Variants in SNX27 observed in about 807,000 individuals in gnomAD.
SNX27 encodes the protein sorting nexin-27.
SNX27 carries 22 observed loss-of-function variants against 71.6 expected under a neutral mutation model. That is an observed-to-expected ratio of 0.31 (90% CI 0.22 to 0.44). The LOEUF is 0.44. Ranked by LOEUF, SNX27 falls within the 20% of genes least tolerant of loss-of-function variation. The probability of loss-of-function intolerance (pLI) is 1.00; values close to 1 mark genes in which losing one functional copy is unlikely to be tolerated. For synonymous variants in SNX27, 269 were observed against 277.2 expected (o/e 0.97, Z 0.29); for missense variants, 531 against 698.6 (o/e 0.76, Z 2.70).
At chr1:151,657,950 G>A (rs1558057850) in intron 2 of SNX27, among the ~76,000 whole-genome samples, 1 of 152,084 alleles carries the variant, frequency 6.6e-6, no homozygotes, top group Non-Finnish European at 1.5e-5. Flanking sequence ...ACAATGAGCC[G>A]AGATCATGCC....
intron 2 of SNX27, 64 bp downstream of exon 2, chr1:151,639,183 G>A: frequency 7.0e-7 from 1 of 1,421,748 alleles, no homozygotes; most frequent in South Asian, 1.3e-5. Context: ...TTATAATTAT[G>A]AAACTATTAT....
At chr1:151,652,534 G>A (rs914884053) in intron 2 of SNX27, among the ~76,000 whole-genome samples, 12 of 149,012 alleles carry the variant, frequency 8.1e-5, no homozygotes, top group South Asian at 6.6e-4. Context: ...TTAGCCTCCC[G>A]AGTAGCTGGG....
chr1:151,628,165 C>A (rs1668036374), intron 1 of SNX27, among the ~76,000 whole-genome samples: 1 of 151,994 alleles, frequency 6.6e-6, no homozygotes, highest in African/African-American at 2.4e-5. Context: ...CGCCACCATG[C>A]CCAGCTAATT....
At chr1:151,638,526 T>A (rs532576854) in intron 1 of SNX27, among the ~76,000 whole-genome samples, 16 of 152,362 alleles carry the variant, frequency 1.1e-4, no homozygotes, top group Admixed American at 1.0e-3. Context: ...CAAAAGCCAC[T>A]TTGATTGAAT....
chr1:151,613,564 T>G (rs1025486541), intron 1 of SNX27, among the ~76,000 whole-genome samples: 2 of 151,886 alleles, frequency 1.3e-5, no homozygotes, highest in African/African-American at 4.8e-5. Flanking sequence ...TGCTTTTCCT[T>G]TCTTCTGTTT....
At chr1:151,633,703 A>G (rs1324745465) in intron 1 of SNX27, among the ~76,000 whole-genome samples, 2 of 152,246 alleles carry the variant, frequency 1.3e-5, no homozygotes, top group African/African-American at 2.4e-5. Flanking sequence ...CTTCAAATAA[A>G]TGGAGTCAAA....
intron 1 of SNX27, among the ~76,000 whole-genome samples, chr1:151,624,055 T>A (rs1366387983): frequency 6.6e-6 from 1 of 151,986 alleles, no homozygotes; most frequent in African/African-American, 2.4e-5. Flanking sequence ...ATTGATCTCC[T>A]GGGCTCAAGT....
Position 151,695,240 on chromosome 1 carries a change from T to C in SNX27, c.*823T>C, listed in dbSNP as rs1671648253. On this transcript the variant is annotated 3_prime_UTR_variant, in exon 12 of 12. Transcript: ENST00000458013. ...GCTCTTGATTCTGTGACAATTTTTT[T>C]GATCCATCTATTTCTCTCACTCCTG... 6.6e-6 allele frequency: 1 copy of C among 152,268 alleles called. No homozygotes were observed. Among genetic ancestry groups the C allele is most frequent in the African/African-American group, 2.4e-5 (1 of 41,386 alleles). The allele number at this position is 152,268 out of a possible 1,614,324, so 9.4% of individuals were successfully genotyped here.
chr1:151,643,004 C>A (rs182543810), intron 2 of SNX27, among the ~76,000 whole-genome samples: 2 of 151,740 alleles, frequency 1.3e-5, no homozygotes, highest in Admixed American at 1.3e-4. Flanking sequence ...ACTCTTGTTG[C>A]CCAGGTTGGA....
chr1:151,663,025 T>C (rs1352238390), intron 5 of SNX27, among the ~76,000 whole-genome samples: 2 of 152,170 alleles, frequency 1.3e-5, no homozygotes, highest in Non-Finnish European at 2.9e-5. Flanking sequence ...CCTTAAAAAT[T>C]AGCACTATTG....
At position 151,668,490 on chromosome 1, in the gene SNX27, A is replaced by G; in HGVS notation, c.1004A>G (p.Asn335Ser). The change falls in exon 7 of 12, where the codon AAT becomes AGT. Residue 335 changes from asparagine to serine, a missense_variant. Asn to Ser is a conservative substitution (Grantham distance 46). This residue lies in a region of SNX27 where 184 missense variants were observed against 289.6 expected (regional missense o/e 0.64). Transcript: ENST00000458013. ...SHSFVRKLAP[N>S]EFPHKLYIQN... ...CCTTTAGTACGTAAATTGGCACCTA[A>G]TGAGTTTCCTCACAAACTCTACATT... is the stretch of plus-strand genomic sequence containing the variant. 1 of 1,612,396 alleles carries G rather than the reference A, an allele frequency of 6.2e-7. No homozygotes were observed. The highest frequency in any genetic ancestry group is 2.2e-5 in the East Asian group (1 of 44,840).
At chr1:151,694,156 T>A in intron 11 of SNX27, 1 of 1,317,414 alleles carries the variant, frequency 7.6e-7, no homozygotes. Flanking sequence ...CAGTTTTCTC[T>A]TCTGTGAAAC....
At position 151,683,391 on chromosome 1, in the gene SNX27, A is replaced by G; in HGVS notation, c.1185A>G (p.Ala395=). 6.2e-7 allele frequency: 1 copy of G among 1,613,872 alleles called. No homozygotes were observed. The highest frequency in any genetic ancestry group is 8.5e-7 in the Non-Finnish European group (1 of 1,179,946). ...ATGTGAAGAAAGGTTACATCAAAGC[A>G]GAAGAAAAGTCCTATCAATTACAGA... ...VDDVKKGYIK[A]EEKSYQLQKL... Residue 395 remains alanine (A), a synonymous_variant, in exon 8 of 12, where the codon GCA becomes GCG. Coordinates refer to ENST00000458013, the MANE Select transcript of SNX27 (RefSeq NM_001330723.2).
chr1:151,642,949 T>TTTTTG (rs1399303638), intron 2 of SNX27, among the ~76,000 whole-genome samples: 2 of 149,030 alleles, frequency 1.3e-5, no homozygotes, highest in African/African-American at 5.0e-5. Flanking sequence ...CTATTTTTTA[T>TTTTTG]TTTTGTTTTA....
chr1:151,693,323 TGA>T (rs1206182866), intron 10 of SNX27, 99 bp from the exon 11 acceptor site: 4 of 1,230,388 alleles, frequency 3.3e-6, no homozygotes, highest in Non-Finnish European at 4.8e-6. Context: ...TTCTCTAGAC[TGA>T]GTTTGGAAGA....
Position 151,615,775 on chromosome 1 carries a change from A to G in SNX27, c.311+3263A>G, listed in dbSNP as rs909981437. On this transcript the variant is annotated intron_variant, in intron 1 of 11. Coordinates refer to ENST00000458013, the MANE Select transcript of SNX27 (RefSeq NM_001330723.2). ...AAATTGTTTTTGTAACAATTTTCGT[A>G]TTTTTCAGTTGTTTGGACAACTGAC... is the stretch of plus-strand genomic sequence containing the variant. The G allele has an allele frequency of 1.1e-5, 11 of 984,790 alleles. No homozygotes were observed. In the South Asian group the frequency reaches 5.2e-4, roughly 46 times the overall value. The allele number at this position is 984,790 out of a possible 1,614,324, so 61.0% of individuals were successfully genotyped here.
chr1:151,627,493 A>C (rs543942441), intron 1 of SNX27, among the ~76,000 whole-genome samples: 17 of 152,356 alleles, frequency 1.1e-4, no homozygotes, highest in African/African-American at 4.1e-4. Flanking sequence ...TTTGAAATAC[A>C]GTTAGGTTCT....
intron 1 of SNX27, among the ~76,000 whole-genome samples, chr1:151,631,326 G>A (rs1386719672): frequency 1.3e-5 from 2 of 152,188 alleles, no homozygotes; most frequent in South Asian, 2.1e-4. Context: ...AAGAAGATAT[G>A]TTGTGGAGAA....
At chr1:151,633,983 T>C (rs1668363573) in intron 1 of SNX27, among the ~76,000 whole-genome samples, 1 of 151,160 alleles carries the variant, frequency 6.6e-6, no homozygotes, top group South Asian at 2.1e-4. Flanking sequence ...TTTTTTTTTT[T>C]TCTCTTGGAT....
Sources: gnomAD v4.1 joint callset for allele counts (sites outside exome capture counted in the v4.1 genomes callset) on GRCh38, gnomAD v4.1.1 for gene constraint, gnomAD v4.1.1 regional missense constraint, MANE v1.5 for transcripts, NCBI Gene and HGNC (gene_info 2026-07-23, HGNC 2026-07-21) for gene names.